Variants in ITGBL1 observed in about 807,000 individuals in gnomAD.
The protein encoded by ITGBL1 is integrin beta-like protein 1.
ITGBL1 carries 51 observed loss-of-function variants against 68.5 expected under a neutral mutation model. The ratio of observed to expected loss-of-function variants is 0.74; its 90% CI spans 0.59 to 0.94. The LOEUF is 0.94. Among genes scored for constraint, ITGBL1 ranks in the 40% least tolerant of loss-of-function variants. The pLI is 0.00. For missense variants in ITGBL1, 649 were observed against 647.4 expected (o/e 1.00, Z -0.03); for synonymous variants, 209 against 227.3 (o/e 0.92, Z 0.72).
intron 2 of ITGBL1, among the ~76,000 whole-genome samples, chr13:101,512,734 G>A (rs1054558700): frequency 6.6e-6 from 1 of 152,146 alleles, no homozygotes; most frequent in African/African-American, 2.4e-5. Flanking sequence ...TCTGAGGTAT[G>A]TGGATTCTTA....
At chr13:101,605,930 G>T (rs1158944441) in intron 7 of ITGBL1, among the ~76,000 whole-genome samples, 1 of 146,448 alleles carries the variant, frequency 6.8e-6, no homozygotes, top group Non-Finnish European at 1.5e-5. Flanking sequence ...ATAGACATAT[G>T]TATGCGTGTA....
At chr13:101,560,228 A>G (rs1311508576) in intron 2 of ITGBL1, among the ~76,000 whole-genome samples, 5 of 152,344 alleles carry the variant, frequency 3.3e-5, no homozygotes, top group African/African-American at 1.2e-4. Context: ...TGGCTCAAAA[A>G]TGACTAGAGA....
At chr13:101,488,928 G>A (rs542053054) in intron 2 of ITGBL1, among the ~76,000 whole-genome samples, 177 of 152,202 alleles carry the variant, frequency 1.2e-3, no homozygotes, top group Non-Finnish European at 6.3e-4. Context: ...GCCTGCAGCC[G>A]CTGAAGTGGC....
chr13:101,583,095 G>T (rs1337498370), intron 5 of ITGBL1, 121 bp from the exon 6 acceptor site: 27 of 900,488 alleles, frequency 3.0e-5, no homozygotes, highest in Non-Finnish European at 4.2e-5. Flanking sequence ...GAATATTTTT[G>T]TCTGAATATA....
intron 7 of ITGBL1, among the ~76,000 whole-genome samples, chr13:101,689,236 A>T (rs1241786787): frequency 2.0e-5 from 3 of 146,580 alleles, no homozygotes; most frequent in Non-Finnish European, 3.0e-5. Flanking sequence ...AAAAAAAATT[A>T]TGAGGACACA....
intron 2 of ITGBL1, among the ~76,000 whole-genome samples, chr13:101,474,028 A>G (rs957732177): frequency 3.9e-5 from 6 of 152,174 alleles, no homozygotes; most frequent in East Asian, 3.9e-4. Flanking sequence ...TGTGTTGGCC[A>G]TGGAGAGAGA....
At chr13:101,702,387 T>C (rs2034156616) in intron 8 of ITGBL1, among the ~76,000 whole-genome samples, 1 of 152,174 alleles carries the variant, frequency 6.6e-6, no homozygotes, top group Admixed American at 6.5e-5. Flanking sequence ...TGTATTTCTT[T>C]TCTTATGACC....
At chr13:101,486,582 A>G (rs1384948748) in intron 2 of ITGBL1, among the ~76,000 whole-genome samples, 1 of 152,250 alleles carries the variant, frequency 6.6e-6, no homozygotes, top group Non-Finnish European at 1.5e-5. Context: ...AGAGCAGGTT[A>G]CTGGGGAAAT....
chr13:101,675,224 T>A (rs1207523687), intron 7 of ITGBL1, among the ~76,000 whole-genome samples: 1 of 152,164 alleles, frequency 6.6e-6, no homozygotes, highest in Non-Finnish European at 1.5e-5. Flanking sequence ...TAAAAATTTT[T>A]CCCTTTTTCT....
intron 2 of ITGBL1, among the ~76,000 whole-genome samples, chr13:101,472,839 A>G (rs563735440): frequency 6.6e-6 from 1 of 152,270 alleles, no homozygotes; most frequent in South Asian, 2.1e-4. Flanking sequence ...AATATATTTG[A>G]CAAACATATT....
chr13:101,558,083 C>CAAAAA lies in ITGBL1; in HGVS notation c.317-9587_317-9583dup, dbSNP rs568103738. ...TGGGAGACAGAGCAAAACTCCGTCT[C>CAAAAA]AAAAAAAAAAAAAAAAAAAAAAAAA... On this transcript the variant is annotated intron_variant, in intron 2 of 10. Transcript: ENST00000376180. Among the ~76,000 whole-genome samples the CAAAAA allele has an allele frequency of 1.0e-3, 72 of 71,674 alleles. 3 individuals carry two copies. Among genetic ancestry groups the CAAAAA allele is most frequent in the African/African-American group, 3.5e-3 (52 of 14,674 alleles). 47.0% of individuals were successfully genotyped at this position (71,674 alleles called of 152,430 possible).
At chr13:101,480,229 C>T (rs1423390348) in intron 2 of ITGBL1, among the ~76,000 whole-genome samples, 1 of 151,966 alleles carries the variant, frequency 6.6e-6, no homozygotes. Context: ...AAAAGACAGA[C>T]TCTGCATGTC....
downstream of ITGBL1, chr13:101,717,065 T>C (rs572361610): frequency 6.6e-6 from 1 of 152,058 alleles, no homozygotes. Context: ...CCTAGAATAA[T>C]GTAGCAAAAT....
downstream of ITGBL1, chr13:101,720,282 T>C (rs1005181034): frequency 3.3e-5 from 5 of 152,188 alleles, no homozygotes; most frequent in Non-Finnish European, 7.4e-5. Context: ...CAATTACAAA[T>C]AACAAGGACC....
chr13:101,670,231 T>C lies in ITGBL1; in HGVS notation c.1016-22354T>C, dbSNP rs148126858. Among the ~76,000 whole-genome samples, 67 of 152,366 alleles carry C rather than the reference T, an allele frequency of 4.4e-4. 1 individual carries two copies. The East Asian group carries it at 0.011, about 24-fold the overall frequency. On this transcript the variant is annotated intron_variant, in intron 7 of 10. Transcript: ENST00000376180. ...CTAGTTTTCTTGTTTACTTCTATGA[T>C]ATGAAGTGCACTCATAACCTCGGGC... is the stretch of plus-strand genomic sequence containing the variant.
At chr13:101,714,224 G>C (rs188111467) in intron 9 of ITGBL1, 3 of 527,622 alleles carry the variant, frequency 5.7e-6, no homozygotes, top group East Asian at 6.2e-5. Context: ...AAGGCTAATT[G>C]CAACTGTCTA....
intron 7 of ITGBL1, among the ~76,000 whole-genome samples, chr13:101,608,812 A>G (rs2030992389): frequency 1.3e-5 from 2 of 152,110 alleles, no homozygotes; most frequent in African/African-American, 2.4e-5. Flanking sequence ...TTTATAAACT[A>G]TAGCCAAAGA....
intron 7 of ITGBL1, among the ~76,000 whole-genome samples, chr13:101,653,712 CAG>C (rs574685526): frequency 2.3e-3 from 351 of 151,200 alleles, no homozygotes; most frequent in African/African-American, 7.3e-3. Flanking sequence ...TTTTTTGAGA[CAG>C]AGTCTCACTC....
At chr13:101,703,599 A>G (rs939390517) in intron 8 of ITGBL1, among the ~76,000 whole-genome samples, 3 of 152,196 alleles carry the variant, frequency 2.0e-5, no homozygotes, top group African/African-American at 7.2e-5. Context: ...GTTTTTTCCA[A>G]CGTTGTGATG....
Sources: gnomAD v4.1 joint callset for allele counts (sites outside exome capture counted in the v4.1 genomes callset) on GRCh38, gnomAD v4.1.1 for gene constraint, MANE v1.5 for transcripts, NCBI Gene and HGNC (gene_info 2026-07-23, HGNC 2026-07-21) for gene names.